Variants in AMMECR1 observed in about 807,000 individuals in gnomAD.
The protein encoded by AMMECR1 is AMMECR nuclear protein 1, also known as nuclear protein AMMECR1.
AMMECR1 carries 3 observed loss-of-function variants against 22.5 expected under a neutral mutation model. The ratio of observed to expected loss-of-function variants is 0.13; its 90% CI spans 0.06 to 0.35. The LOEUF (loss-of-function observed/expected upper bound fraction) is 0.35. Ranked by LOEUF, AMMECR1 falls within the 10% of genes least tolerant of loss-of-function variation. The probability of loss-of-function intolerance (pLI) is 1.00; values close to 1 mark genes in which losing one functional copy is unlikely to be tolerated. For missense variants in AMMECR1, 235 were observed against 278.7 expected, an observed-to-expected ratio of 0.84 and a Z score of 1.12; for synonymous variants, 130 against 116.7, an observed-to-expected ratio of 1.11 and a Z score of -0.74.
At chrX:110,339,941 T>C (rs192385230) in intron 2 of AMMECR1, among the ~76,000 whole-genome samples, 155 of 108,100 alleles carry the variant, frequency 1.4e-3, no homozygotes, top group African/African-American at 5.3e-3. Context: ...AATGCCAATT[T>C]AGGATTTTTT....
intron 2 of AMMECR1, among the ~76,000 whole-genome samples, chrX:110,326,593 G>A (rs1202178300): frequency 8.9e-6 from 1 of 111,921 alleles, no homozygotes; most frequent in Non-Finnish European, 1.9e-5. Context: ...TGCTGTTATT[G>A]GGAGGAATGC....
At chrX:110,198,770 G>A in intron 5 of AMMECR1, 136 bp from the exon 6 acceptor site, 1 of 451,988 alleles carries the variant, frequency 2.2e-6, no homozygotes, top group South Asian at 3.4e-5. Context: ...GACTGCCCAA[G>A]GTCACAGAGA....
intron 2 of AMMECR1, among the ~76,000 whole-genome samples, chrX:110,402,167 G>C (rs1436255325): frequency 8.9e-6 from 1 of 112,699 alleles, no homozygotes; most frequent in African/African-American, 3.2e-5. Flanking sequence ...AGAGTCCCTT[G>C]CTCTGAGGAA....
In AMMECR1 at chrX:110,222,112, C is replaced by T. The variant is rs1325848220; in HGVS notation, c.585-5480G>A. Among the ~76,000 whole-genome samples, 10 of 104,301 alleles carry T rather than the reference C, an allele frequency of 9.6e-5. No individual in the cohort carries two copies. In the Admixed American group the frequency reaches 1.0e-3, roughly 11 times the overall value. 90.6% of individuals were successfully genotyped at this position (104,301 alleles called of 115,157 possible). A position where few individuals can be genotyped will look rare whatever the true frequency, so the allele number is the denominator to read the frequency against. On this transcript the variant is annotated intron_variant, in intron 2 of 5. Transcript: ENST00000262844. ...CATTACTGGGTATATACCCAAAGGA[C>T]TATAAATCATGCTGCTATAAAGACA... is the stretch of plus-strand genomic sequence containing the variant.
intron 1 of AMMECR1, among the ~76,000 whole-genome samples, chrX:110,292,209 G>A (rs2067912790): frequency 1.8e-5 from 2 of 112,403 alleles, no homozygotes; most frequent in African/African-American, 6.5e-5. Flanking sequence ...TGCTGATACA[G>A]AAGTATCTCC....
intron 2 of AMMECR1, among the ~76,000 whole-genome samples, chrX:110,251,190 C>T (rs2067684590): frequency 8.9e-6 from 1 of 112,264 alleles, no homozygotes. Context: ...TGGTAAACTA[C>T]TGTGGAGCGC....
chrX:110,345,630 C>G (rs1241465400), intron 2 of AMMECR1, among the ~76,000 whole-genome samples: 1 of 110,644 alleles, frequency 9.0e-6, no homozygotes, highest in Admixed American at 9.6e-5. Flanking sequence ...GTACTCTGCT[C>G]ACTACCTGGG....
intron 2 of AMMECR1, among the ~76,000 whole-genome samples, chrX:110,405,234 A>G (rs924715089): frequency 9.0e-6 from 1 of 110,778 alleles, no homozygotes; most frequent in Non-Finnish European, 1.9e-5. Context: ...TTGTGTTGTT[A>G]TCCCTCAGGG....
At chrX:110,306,890 C>T (rs1040719487) in intron 1 of AMMECR1, 2 of 111,714 alleles carry the variant, frequency 1.8e-5, no homozygotes, top group African/African-American at 6.5e-5. Flanking sequence ...GTTAACATTA[C>T]TATACACTTA....
At chrX:110,409,390 T>G (rs951574308) in intron 2 of AMMECR1, among the ~76,000 whole-genome samples, 62 of 111,589 alleles carry the variant, frequency 5.6e-4, no homozygotes, top group African/African-American at 1.9e-3. Flanking sequence ...AAGAGAGTTG[T>G]GTTTACATTC....
intron 2 of AMMECR1, among the ~76,000 whole-genome samples, chrX:110,228,703 C>T (rs1358524954): frequency 1.8e-5 from 2 of 110,689 alleles, no homozygotes; most frequent in Non-Finnish European, 3.8e-5. Context: ...GGGGGAGCAG[C>T]GGAGCACCAA....
intron 2 of AMMECR1, among the ~76,000 whole-genome samples, chrX:110,333,478 T>C (rs747813094): frequency 5.4e-5 from 6 of 111,654 alleles, no homozygotes; most frequent in Non-Finnish European, 1.1e-4. Context: ...ATCCCATTAC[T>C]GGGTATATAC....
At chrX:110,361,128 C>A (rs1043422856) in intron 2 of AMMECR1, among the ~76,000 whole-genome samples, 2 of 110,911 alleles carry the variant, frequency 1.8e-5, no homozygotes, top group African/African-American at 6.6e-5. Context: ...ACAAAACCTG[C>A]TGCACTCACA....
chrX:110,400,556 G>A (rs745812784), intron 2 of AMMECR1, among the ~76,000 whole-genome samples: 3 of 110,786 alleles, frequency 2.7e-5, no homozygotes, highest in Admixed American at 1.9e-4. Flanking sequence ...CTGAACTGAT[G>A]TTCCAGCTCC....
chrX:110,342,456 C>G (rs1387507086), intron 2 of AMMECR1, among the ~76,000 whole-genome samples: 3 of 111,438 alleles, frequency 2.7e-5, no homozygotes, highest in African/African-American at 9.8e-5. Flanking sequence ...ACTGCACCCT[C>G]CGCCTCCTGG....
upstream of AMMECR1, among the ~76,000 whole-genome samples, chrX:110,322,992 C>G (rs2068084998): frequency 8.9e-6 from 1 of 111,854 alleles, no homozygotes; most frequent in African/African-American, 3.3e-5. Context: ...CCTTATGCCA[C>G]AGCCACTGCC....
At chrX:110,249,529 G>C (rs921556337) in intron 2 of AMMECR1, among the ~76,000 whole-genome samples, 2 of 111,291 alleles carry the variant, frequency 1.8e-5, no homozygotes, top group Admixed American at 1.9e-4. Context: ...AAATACCTAC[G>C]AGAGTTCCAG....
At chrX:110,304,477 G>T (rs899430927) in intron 1 of AMMECR1, among the ~76,000 whole-genome samples, 3 of 112,122 alleles carry the variant, frequency 2.7e-5, no homozygotes, top group African/African-American at 9.7e-5. Context: ...AAGTTCAGAA[G>T]AAAAAAGATC....
At chrX:110,217,216 G>T (rs1157539129) in intron 2 of AMMECR1, among the ~76,000 whole-genome samples, 2 of 107,067 alleles carry the variant, frequency 1.9e-5, no homozygotes, top group African/African-American at 6.8e-5. Context: ...ACAAAGAAAA[G>T]AAATAATCAT....
Sources: allele counts gnomAD v4.1 joint callset (sites outside exome capture counted in the v4.1 genomes callset), GRCh38; gene constraint gnomAD v4.1.1; transcripts MANE v1.5; gene names NCBI Gene and HGNC (gene_info 2026-07-23, HGNC 2026-07-21).